The following AGMO variants were observed in gnomAD, a reference collection of about 807,000 sequenced individuals.
AGMO encodes the protein glyceryl-ether monooxygenase.
Under a neutral mutation model 60.2 loss-of-function variants are expected in AGMO, and 75 were observed. That is an observed-to-expected ratio of 1.25 (90% CI 1.03 to 1.51). The LOEUF (loss-of-function observed/expected upper bound fraction) is 1.51, where lower values mean the gene tolerates loss of function less well. AGMO is among the 40% of genes most tolerant of loss of function. AGMO has a pLI of 0.00. For missense variants in AGMO, 763 were observed against 525.5 expected, an observed-to-expected ratio of 1.45 and a Z score of -4.42; for synonymous variants, 261 against 177.1, an observed-to-expected ratio of 1.47 and a Z score of -3.76.
At chr7:15,119,411 T>C in the AGMO span, among the ~76,000 whole-genome samples, 1 of 152,072 alleles carries the variant, frequency 6.6e-6, no homozygotes, top group Non-Finnish European at 1.5e-5. Context: ...ATACTTATAA[T>C]TTCTACAATC....
At chr7:15,190,422 C>G in the AGMO span, among the ~76,000 whole-genome samples, 1 of 151,614 alleles carries the variant, frequency 6.6e-6, no homozygotes, top group Non-Finnish European at 1.5e-5. Context: ...GTAGATCATA[C>G]TTCATATAAA....
At chr7:15,289,098 A>C (rs1021650220) in intron 12 of AGMO, among the ~76,000 whole-genome samples, 1 of 151,872 alleles carries the variant, frequency 6.6e-6, no homozygotes, top group Middle Eastern at 3.4e-3. Context: ...TGGCAGAGCT[A>C]TTTCTTTCTT....
chr7:15,279,764 C>A (rs924229053), intron 12 of AGMO, among the ~76,000 whole-genome samples: 1 of 152,166 alleles, frequency 6.6e-6, no homozygotes, highest in Non-Finnish European at 1.5e-5. Flanking sequence ...TAAACTGCCT[C>A]TAGGATTCAC....
intron 12 of AGMO, among the ~76,000 whole-genome samples, chr7:15,259,693 G>C (rs1783210386): frequency 6.6e-6 from 1 of 151,918 alleles, no homozygotes; most frequent in South Asian, 2.1e-4. Flanking sequence ...AAACCTATCA[G>C]ATTAACCGCA....
At chr7:15,422,827 AGAT>A (rs1780962079) in intron 4 of AGMO, among the ~76,000 whole-genome samples, 2 of 152,150 alleles carry the variant, frequency 1.3e-5, no homozygotes, top group Admixed American at 1.3e-4. Flanking sequence ...TGAAGAGGGT[AGAT>A]GACTGGATTT....
intron 3 of AGMO, among the ~76,000 whole-genome samples, chr7:15,465,632 G>A (rs1003638937): frequency 1.3e-5 from 2 of 148,324 alleles, no homozygotes; most frequent in Non-Finnish European, 3.0e-5. Context: ...TTTTTTTAGA[G>A]ACAGGGTTTC....
At chr7:15,475,742 GC>G (rs1166592844) in intron 3 of AGMO, among the ~76,000 whole-genome samples, 1 of 151,936 alleles carries the variant, frequency 6.6e-6, no homozygotes, top group Non-Finnish European at 1.5e-5. Context: ...ATCTTGTCAT[GC>G]TTTTTCAACT....
chr7:15,455,492 G>A (rs1355757503), intron 3 of AGMO, among the ~76,000 whole-genome samples: 1 of 151,996 alleles, frequency 6.6e-6, no homozygotes, highest in African/African-American at 2.4e-5. Flanking sequence ...ATCAATTGGA[G>A]GTTTCTTTAA....
At chr7:15,476,143 A>G (rs1321242667) in intron 3 of AGMO, among the ~76,000 whole-genome samples, 1 of 152,132 alleles carries the variant, frequency 6.6e-6, no homozygotes, top group African/African-American at 2.4e-5. Context: ...ATTTTGAAGT[A>G]GAAATCGAAT....
intron 12 of AGMO, among the ~76,000 whole-genome samples, chr7:15,319,750 T>C (rs573205012): frequency 3.3e-5 from 5 of 152,208 alleles, no homozygotes; most frequent in East Asian, 3.9e-4. Context: ...GGCAATGGAA[T>C]AGACTCACTT....
At chr7:15,526,740 C>T (rs1315929550) in intron 3 of AGMO, among the ~76,000 whole-genome samples, 1 of 152,148 alleles carries the variant, frequency 6.6e-6, no homozygotes, top group East Asian at 1.9e-4. Context: ...GCAGATATTG[C>T]ATTTTTTGCA....
intron 10 of AGMO, among the ~76,000 whole-genome samples, chr7:15,374,931 G>T (rs1394204443): frequency 1.3e-5 from 2 of 152,064 alleles, no homozygotes; most frequent in Non-Finnish European, 2.9e-5. Context: ...ATACCCTGAA[G>T]AAATTATCCA....
intron 5 of AGMO, among the ~76,000 whole-genome samples, chr7:15,398,702 T>G (rs1784474904): frequency 6.6e-6 from 1 of 151,316 alleles, no homozygotes; most frequent in South Asian, 2.1e-4. Flanking sequence ...TTAGAAGTTA[T>G]TTGTTTGTAT....
At chr7:15,230,297 C>G (rs1408518080) in intron 12 of AGMO, among the ~76,000 whole-genome samples, 2 of 152,018 alleles carry the variant, frequency 1.3e-5, no homozygotes, top group East Asian at 3.9e-4. Flanking sequence ...ACATTTTTTC[C>G]CCTTACAGTT....
the AGMO span, among the ~76,000 whole-genome samples, chr7:15,166,139 G>A: frequency 1.4e-4 from 22 of 151,896 alleles, no homozygotes; most frequent in African/African-American, 4.6e-4. Flanking sequence ...CTATTATATC[G>A]ATTCTAGAGA....
At chr7:15,231,913 T>C (rs562020582) in intron 12 of AGMO, among the ~76,000 whole-genome samples, 1 of 152,314 alleles carries the variant, frequency 6.6e-6, no homozygotes, top group Non-Finnish European at 1.5e-5. Flanking sequence ...TAGTTACTTA[T>C]ATATTTATCA....
chr7:15,527,576 G>A (rs1399632475), intron 3 of AGMO, among the ~76,000 whole-genome samples: 1 of 152,120 alleles, frequency 6.6e-6, no homozygotes, highest in African/African-American at 2.4e-5. Context: ...GGAAGCTACA[G>A]TAAGTTACCC....
At chr7:15,155,602 T>G in the AGMO span, among the ~76,000 whole-genome samples, 2 of 152,082 alleles carry the variant, frequency 1.3e-5, no homozygotes, top group Non-Finnish European at 2.9e-5. Context: ...TGAGCTTCTT[T>G]GGCATCCAGA....
chr7:15,305,776 A>G (rs1041499674), intron 12 of AGMO, among the ~76,000 whole-genome samples: 1 of 152,004 alleles, frequency 6.6e-6, no homozygotes, highest in Non-Finnish European at 1.5e-5. Flanking sequence ...AGAATTCTAG[A>G]GAAATCATAC....
Sources: gnomAD v4.1 joint callset for allele counts (sites outside exome capture counted in the v4.1 genomes callset) on GRCh38, gnomAD v4.1.1 for gene constraint, MANE v1.5 for transcripts, NCBI Gene and HGNC (gene_info 2026-07-23, HGNC 2026-07-21) for gene names.